Variants in ABCD2 observed in about 807,000 individuals in gnomAD.
ABCD2 encodes the protein ATP binding cassette subfamily D member 2.
In ABCD2, 36 loss-of-function variants were observed where a neutral mutation model predicts 70.9. The ratio of observed to expected loss-of-function variants is 0.51; its 90% CI spans 0.39 to 0.67. The LOEUF (loss-of-function observed/expected upper bound fraction) is 0.67. ABCD2 is among the 30% of genes least tolerant of loss of function. The probability of loss-of-function intolerance (pLI) is 0.00; values close to 1 mark genes in which losing one functional copy is unlikely to be tolerated. For synonymous variants in ABCD2, 304 were observed against 306.9 expected (o/e 0.99, Z 0.10); for missense variants, 729 against 890.2 (o/e 0.82, Z 2.30).
chr12:39,554,039 T>C lies in ABCD2; in HGVS notation c.2096A>G (p.Glu699Gly). 6.2e-7 allele frequency: 1 copy of C among 1,613,732 alleles called. No homozygotes were observed. Among genetic ancestry groups the C allele is most frequent in the Non-Finnish European group, 8.5e-7 (1 of 1,179,850 alleles). Residue 699 changes from glutamate to glycine, a missense_variant, in exon 10 of 10, where the codon GAA becomes GGA. Glu to Gly is a moderately conservative substitution (Grantham distance 98). This residue lies in a region of ABCD2 where 289 missense variants were observed against 328.8 expected (regional missense o/e 0.88). Coordinates refer to ENST00000308666, the MANE Select transcript of ABCD2 (RefSeq NM_005164.4). ...DTAIRLTLSE[E>G]KQKLESQLAG... ...TAGCTGAGATTCTAGCTTTTGTTTT[T>C]CTTCACTCAATGTCAAACGGATAGC...
chr12:39,543,997 TTCA>T, the ABCD2 span, among the ~76,000 whole-genome samples: 1 of 152,132 alleles, frequency 6.6e-6, no homozygotes, highest in African/African-American at 2.4e-5. Context: ...ACAGAGCCAA[TTCA>T]TCAAGACAGG....
At chr12:39,569,102 C>T (rs180903005) in intron 9 of ABCD2, among the ~76,000 whole-genome samples, 22 of 152,318 alleles carry the variant, frequency 1.4e-4, no homozygotes, top group South Asian at 4.1e-4. Flanking sequence ...GCAGTCTGTC[C>T]GTTCTCAGAT....
Position 39,554,058 on chromosome 12 carries a change from G to C in ABCD2, c.2077C>G (p.Arg693Gly). The change falls in exon 10 of 10, where the codon CGT (arginine) becomes GGT (glycine). Residue 693 changes from arginine to glycine, a missense_variant. Around this residue, in one of 3 missense-constraint regions of ABCD2, gnomAD observed 289 missense variants for 328.8 expected, o/e 0.88. Transcript: ENST00000308666. ...WRFEQLDTAIRLTLSEEKQKL... is the reference protein window; with the variant it reads ...WRFEQLDTAIGLTLSEEKQKL... The stretch of plus-strand genomic sequence containing the variant: ...TGTTTTTCTTCACTCAATGTCAAAC[G>C]GATAGCAGTATCCAATTGTTCAAAG... 6.2e-7 allele frequency: 1 copy of C among 1,613,612 alleles called. No individual in the cohort carries two copies. The highest frequency in any genetic ancestry group is 8.5e-7 in the Non-Finnish European group (1 of 1,179,810).
At chr12:39,603,777 A>G (rs1285791929) in intron 5 of ABCD2, 135 bp downstream of exon 5, 1 of 517,664 alleles carries the variant, frequency 1.9e-6, no homozygotes, top group Non-Finnish European at 3.4e-6. Context: ...TCTGTAATTG[A>G]GCCACTGTGC....
intron 9 of ABCD2, among the ~76,000 whole-genome samples, chr12:39,568,842 A>G (rs895915493): frequency 1.3e-5 from 2 of 152,124 alleles, no homozygotes; most frequent in South Asian, 2.1e-4. Context: ...TTTTCCTGCT[A>G]ACAGTCAGGA....
chr12:39,598,104 C>A (rs1941844225), intron 6 of ABCD2, among the ~76,000 whole-genome samples: 1 of 152,286 alleles, frequency 6.6e-6, no homozygotes, highest in South Asian at 2.1e-4. Context: ...TGGTTCACTT[C>A]TTTCTTCCGT....
At chr12:39,580,979 T>C (rs771937351) in intron 7 of ABCD2, among the ~76,000 whole-genome samples, 1 of 152,206 alleles carries the variant, frequency 6.6e-6, no homozygotes, top group Non-Finnish European at 1.5e-5. Context: ...TTTGGACTTG[T>C]TTTTGAAATC....
At chr12:39,581,793 T>C (rs1941599737) in intron 7 of ABCD2, among the ~76,000 whole-genome samples, 1 of 152,196 alleles carries the variant, frequency 6.6e-6, no homozygotes, top group African/African-American at 2.4e-5. Context: ...AGGCAGGCAA[T>C]ATTGCATGAT....
intron 7 of ABCD2, 61 bp downstream of exon 7, chr12:39,586,091 T>A: frequency 6.8e-7 from 1 of 1,461,982 alleles, no homozygotes; most frequent in East Asian, 2.3e-5. Flanking sequence ...ACTAAATATA[T>A]ACCCAAGCTT....
intron 7 of ABCD2, among the ~76,000 whole-genome samples, chr12:39,585,342 T>C (rs536647263): frequency 1.2e-4 from 18 of 152,100 alleles, no homozygotes; most frequent in Non-Finnish European, 1.6e-4. Flanking sequence ...TATAGCAAAG[T>C]TAGTGATTTT....
In ABCD2 at chr12:39,553,603, A is replaced by G. The variant is rs112574840; in HGVS notation, c.*309T>C. The G allele has an allele frequency of 0.011, 2,617 of 240,962 alleles. 78 individuals carry two copies. The highest frequency in any genetic ancestry group is 0.053 in the African/African-American group (2,344 of 44,198). The allele number at this position is 240,962 out of a possible 1,614,324, so 14.9% of individuals were successfully genotyped here. ...AGAATATTGCCCATGTTTGTTAAGA[A>G]CTTCAGACACACCACATATACATAG... On this transcript the variant is annotated 3_prime_UTR_variant, in exon 10 of 10. Transcript: ENST00000308666.
In ABCD2 at chr12:39,560,356, C is replaced by T. The variant is rs181779630; in HGVS notation, c.2004-6225G>A. Among the ~76,000 whole-genome samples the T allele has an allele frequency of 1.0e-3, 157 of 152,258 alleles. 1 individual carries two copies. Among genetic ancestry groups the T allele is most frequent in the African/African-American group, 3.5e-3 (146 of 41,554 alleles). On this transcript the variant is annotated intron_variant, in intron 9 of 9. Coordinates refer to ENST00000308666, the MANE Select transcript of ABCD2 (RefSeq NM_005164.4). ...GACATGAACTCATCCTTTTTTATGG[C>T]TGCATAGTATTCCATGGTGTATATG...
chr12:39,588,452 C>A (rs1941696569), intron 6 of ABCD2, among the ~76,000 whole-genome samples: 1 of 152,006 alleles, frequency 6.6e-6, no homozygotes, highest in Non-Finnish European at 1.5e-5. Flanking sequence ...AAGAAAGCCA[C>A]GTGAAGAAGG....
intron 2 of ABCD2, among the ~76,000 whole-genome samples, chr12:39,616,714 G>T (rs370981903): frequency 1.3e-5 from 2 of 151,902 alleles, no homozygotes; most frequent in Non-Finnish European, 2.9e-5. Flanking sequence ...CCTATATTAG[G>T]CAATATAATT....
At chr12:39,566,516 C>G (rs1326836983) in intron 9 of ABCD2, among the ~76,000 whole-genome samples, 1 of 152,030 alleles carries the variant, frequency 6.6e-6, no homozygotes, top group Non-Finnish European at 1.5e-5. Context: ...TGATTCTTCT[C>G]TCTTTTCTTC....
rs756258266 is a variant in ABCD2, at chr12:39,619,258, G to A, written c.358C>T (p.Leu120Phe). Residue 120 changes from leucine (L) to phenylalanine (F), a missense_variant, in exon 1 of 10, where the codon CTT (leucine) becomes TTT (phenylalanine). By Grantham distance (22) the Leu-to-Phe change is conservative. Coordinates refer to ENST00000308666, the MANE Select transcript of ABCD2 (RefSeq NM_005164.4). ...HSVALISRTF[L>F]SIYVAGLDGK... Reference sequence around the variant, plus strand: ...TCCAGACCAGCCACATAGATAGAAAGAAAGGTTCTTGAGATTAGAGCCACT... The same window carrying A: ...TCCAGACCAGCCACATAGATAGAAAAAAAGGTTCTTGAGATTAGAGCCACT... 1 of 1,614,136 alleles carries A rather than the reference G, an allele frequency of 6.2e-7. No homozygotes were observed. Among genetic ancestry groups the A allele is most frequent in the South Asian group, 1.1e-5 (1 of 91,076 alleles).
At chr12:39,544,505 A>G in the ABCD2 span, among the ~76,000 whole-genome samples, 1 of 152,166 alleles carries the variant, frequency 6.6e-6, no homozygotes, top group South Asian at 2.1e-4. Flanking sequence ...ACTATAAACT[A>G]AGTTTATCCC....
intron 9 of ABCD2, among the ~76,000 whole-genome samples, chr12:39,567,988 T>A (rs11172642): frequency 2.0e-5 from 3 of 151,000 alleles, no homozygotes; most frequent in Admixed American, 6.6e-5. Flanking sequence ...TTTCTGCTGA[T>A]AGATCAGCTG....
At chr12:39,546,010 T>A (rs1380255731), downstream of ABCD2, among the ~76,000 whole-genome samples, 2 of 152,194 alleles carry the variant, frequency 1.3e-5, no homozygotes, top group East Asian at 1.9e-4. Context: ...TTTGTAAAAC[T>A]TTTATTATCA....
Sources: gnomAD v4.1 joint callset for allele counts (sites outside exome capture counted in the v4.1 genomes callset) on GRCh38, gnomAD v4.1.1 for gene constraint, gnomAD v4.1.1 regional missense constraint, MANE v1.5 for transcripts, NCBI Gene and HGNC (gene_info 2026-07-23, HGNC 2026-07-21) for gene names.